COL28A1: variants seen among roughly 807,000 people sequenced by gnomAD.
The protein encoded by COL28A1 is collagen alpha-1(XXVIII) chain.
COL28A1 carries 161 observed loss-of-function variants against 150.2 expected under a neutral mutation model. The observed-to-expected ratio is 1.07, with a 90% CI of 0.94 to 1.22. COL28A1 has a LOEUF of 1.22. COL28A1 is among the 50% of genes most tolerant of loss of function. The pLI, the probability that COL28A1 is intolerant of heterozygous loss-of-function variation, is 0.00. For synonymous variants in COL28A1, 552 were observed against 469.7 expected (o/e 1.18, Z -2.26); for missense variants, 1,617 against 1,388.3 (o/e 1.16, Z -2.62).
At chr7:7,370,650 G>A (rs565543604) in intron 33 of COL28A1, 75 bp downstream of exon 33, 75 of 1,264,222 alleles carry the variant, frequency 5.9e-5, no homozygotes, top group Non-Finnish European at 7.7e-5. Flanking sequence ...ACAATGCAGG[G>A]CAGAATGATC....
chr7:7,489,338 GTAAAAACTA>G, intron 13 of COL28A1, 42 bp downstream of exon 13: 1 of 871,324 alleles, frequency 1.1e-6, no homozygotes, highest in Non-Finnish European at 2.0e-6. Flanking sequence ...GAAAGAACAA[GTAAAAACTA>G]TATTTGTCCT....
At chr7:7,370,178 C>T (rs191917026) in intron 33 of COL28A1, among the ~76,000 whole-genome samples, 2 of 152,304 alleles carry the variant, frequency 1.3e-5, no homozygotes, top group East Asian at 3.9e-4. Flanking sequence ...TGAAACAGAG[C>T]ATCTACTTTG....
chr7:7,360,257 C>T, intron 34 of COL28A1, 133 bp downstream of exon 34: 2 of 807,020 alleles, frequency 2.5e-6, no homozygotes, highest in Non-Finnish European at 3.6e-6. Flanking sequence ...AACATTTTCT[C>T]TCTGGGTAAC....
At chr7:7,426,636 C>T (rs964672762) in intron 25 of COL28A1, among the ~76,000 whole-genome samples, 1 of 152,148 alleles carries the variant, frequency 6.6e-6, no homozygotes, top group African/African-American at 2.4e-5. Context: ...TATTTTCTCA[C>T]CTTTAAATTT....
At chr7:7,433,999 C>T (rs1785170046) in intron 23 of COL28A1, among the ~76,000 whole-genome samples, 2 of 152,296 alleles carry the variant, frequency 1.3e-5, no homozygotes, top group South Asian at 4.1e-4. Flanking sequence ...CTCTCAAAAA[C>T]TATTCTCAAC....
At chr7:7,463,528 A>G (rs1285750893) in intron 15 of COL28A1, among the ~76,000 whole-genome samples, 1 of 152,150 alleles carries the variant, frequency 6.6e-6, no homozygotes, top group Non-Finnish European at 1.5e-5. Flanking sequence ...AGCCTCCTCA[A>G]ACAAAACAAT....
At chr7:7,434,282 T>C (rs1785188318) in intron 23 of COL28A1, among the ~76,000 whole-genome samples, 1 of 152,214 alleles carries the variant, frequency 6.6e-6, no homozygotes, top group African/African-American at 2.4e-5. Context: ...GCCCATGGTC[T>C]TCAGGACAGG....
intron 9 of COL28A1, among the ~76,000 whole-genome samples, chr7:7,508,902 C>T (rs781693755): frequency 1.2e-4 from 19 of 152,020 alleles, no homozygotes; most frequent in Non-Finnish European, 2.5e-4. Context: ...GGCACAATCT[C>T]GGTCCACTGC....
intron 27 of COL28A1, among the ~76,000 whole-genome samples, chr7:7,399,122 C>T (rs952544361): frequency 1.3e-5 from 2 of 152,104 alleles, no homozygotes; most frequent in African/African-American, 4.8e-5. Flanking sequence ...GAACCAAATC[C>T]ATCAAAATAC....
intron 33 of COL28A1, among the ~76,000 whole-genome samples, chr7:7,362,283 G>A (rs1178268052): frequency 6.6e-6 from 1 of 151,836 alleles, no homozygotes; most frequent in Non-Finnish European, 1.5e-5. Flanking sequence ...GATTCCAGCT[G>A]TATGCAATTG....
the COL28A1 span, among the ~76,000 whole-genome samples, chr7:7,346,147 C>T: frequency 6.6e-6 from 1 of 151,988 alleles, no homozygotes; most frequent in Admixed American, 6.6e-5. Flanking sequence ...TAGTGTTCTA[C>T]TATTTGCTCT....
intron 22 of COL28A1, among the ~76,000 whole-genome samples, chr7:7,436,906 G>A (rs1785385104): frequency 6.6e-6 from 1 of 152,110 alleles, no homozygotes; most frequent in Admixed American, 6.6e-5. Context: ...CAGGCATGGT[G>A]GCACATCTGT....
intron 15 of COL28A1, 26 bp from the exon 16 acceptor site, chr7:7,456,138 A>G (rs745970759): frequency 1.9e-6 from 3 of 1,606,242 alleles, no homozygotes; most frequent in Middle Eastern, 1.7e-4. Context: ...GCCAGGAAAT[A>G]TAACAATAAA....
At chr7:7,517,986 G>C in intron 6 of COL28A1, 149 bp from the exon 7 acceptor site, 6 of 775,344 alleles carry the variant, frequency 7.7e-6, no homozygotes, top group South Asian at 2.5e-5. Flanking sequence ...TGCAATCTAG[G>C]CAAAAAAAAA....
At chr7:7,471,530 T>C (rs531145157) in intron 15 of COL28A1, among the ~76,000 whole-genome samples, 29 of 152,254 alleles carry the variant, frequency 1.9e-4, no homozygotes, top group African/African-American at 7.0e-4. Context: ...CATGATCAAA[T>C]GGGTTTCATA....
chr7:7,367,284 C>T (rs925656966), intron 33 of COL28A1, among the ~76,000 whole-genome samples: 4 of 152,140 alleles, frequency 2.6e-5, no homozygotes, highest in East Asian at 1.9e-4. Context: ...AATTGGCTAG[C>T]GAAACATTTC....
chr7:7,468,508 C>T (rs1389082828), intron 15 of COL28A1, among the ~76,000 whole-genome samples: 2 of 113,502 alleles, frequency 1.8e-5, no homozygotes, highest in African/African-American at 7.9e-5. Flanking sequence ...GATGGATTCA[C>T]AGCTGAATTC....
chr7:7,436,753 G>A (rs1349432827), intron 22 of COL28A1, among the ~76,000 whole-genome samples: 2 of 152,162 alleles, frequency 1.3e-5, no homozygotes, highest in Non-Finnish European at 2.9e-5. Flanking sequence ...TTAAAATTGA[G>A]TGAAGGCCAG....
At chr7:7,445,633 T>C (rs904365774) in intron 18 of COL28A1, among the ~76,000 whole-genome samples, 1 of 152,180 alleles carries the variant, frequency 6.6e-6, no homozygotes, top group Non-Finnish European at 1.5e-5. Flanking sequence ...ATAAATCCTT[T>C]AAAATGTTCA....
Sources: allele counts gnomAD v4.1 joint callset (sites outside exome capture counted in the v4.1 genomes callset), GRCh38; gene constraint gnomAD v4.1.1; transcripts MANE v1.5; gene names NCBI Gene and HGNC (gene_info 2026-07-23, HGNC 2026-07-21).